The following PREPL variants were observed in gnomAD, a reference collection of about 807,000 sequenced individuals.
PREPL encodes the protein prolyl endopeptidase like, also known as prolyl endopeptidase-like.
In PREPL, 77 loss-of-function variants were observed where a neutral mutation model predicts 70.6. The observed-to-expected ratio is 1.09, with a 90% CI of 0.91 to 1.32. PREPL has a LOEUF of 1.32. Ranked by LOEUF, PREPL falls within the 40% of genes most tolerant of loss-of-function variation. The probability of loss-of-function intolerance (pLI) is 0.00; values close to 1 mark genes in which losing one functional copy is unlikely to be tolerated. For synonymous variants in PREPL, 315 were observed against 264.8 expected, an observed-to-expected ratio of 1.19 and a Z score of -1.84; for missense variants, 1,002 against 778.2, an observed-to-expected ratio of 1.29 and a Z score of -3.42.
rs1674231849 is a variant in PREPL at position 44,332,587 on chromosome 2, A to G, written c.958T>C (p.Cys320Arg). Residue 320 changes from cysteine (C) to arginine (R), a missense_variant, in exon 8 of 14, where the codon TGC (cysteine) becomes CGC (arginine). Transcript: ENST00000409411. ...TATTTTGGGGGACGTATTGGAGAGCAAAGTTGAAAGGGGCAGTTCTTTGGG... is the reference window on the plus strand; with the variant it reads ...TATTTTGGGGGACGTATTGGAGAGCGAAGTTGAAAGGGGCAGTTCTTTGGG... ...SDPKNCPFQL[C>R]SPIRPPKYYT... The G allele has an allele frequency of 6.2e-7, 1 of 1,613,996 alleles. No individual in the cohort carries two copies. The highest frequency in any genetic ancestry group is 2.2e-5 in the East Asian group (1 of 44,880).
At chr2:44,326,622 G>T in intron 10 of PREPL, 90 bp downstream of exon 10, 1 of 1,339,970 alleles carries the variant, frequency 7.5e-7, no homozygotes, top group Non-Finnish European at 1.1e-6. Flanking sequence ...GGCATGAGCC[G>T]CTGTGCCAGC....
In PREPL at chr2:44,320,735, T is replaced by A. The variant is rs752209571; in HGVS notation, c.*621A>T. On this transcript the variant is annotated 3_prime_UTR_variant, in exon 14 of 14. Coordinates refer to ENST00000409411, the MANE Select transcript of PREPL (RefSeq NM_001171613.2). ...CAGCATGCTGCTTGGTGAACAATCA[T>A]TAATTCTTCGATATTTCTGTAGCTT... is the stretch of plus-strand genomic sequence containing the variant. The A allele has an allele frequency of 6.3e-6, 6 of 957,874 alleles. No homozygotes were observed. In the African/African-American group the frequency reaches 8.1e-5, roughly 13 times the overall value. 59.3% of individuals were successfully genotyped at this position (957,874 alleles called of 1,614,324 possible). A position where few individuals can be genotyped will look rare whatever the true frequency, so the allele number is the denominator to read the frequency against.
At chr2:44,334,149 A>G (rs1266643822) in intron 7 of PREPL, among the ~76,000 whole-genome samples, 2 of 152,212 alleles carry the variant, frequency 1.3e-5, no homozygotes, top group Admixed American at 1.3e-4. Flanking sequence ...TAACTCAAGG[A>G]TATCTTAAGC....
chr2:44,326,419 T>C (rs1673496549), intron 10 of PREPL, among the ~76,000 whole-genome samples: 1 of 150,538 alleles, frequency 6.6e-6, no homozygotes, highest in African/African-American at 2.4e-5. Context: ...TCTCACTCTG[T>C]TGCCCAGGCT....
chr2:44,339,497 G>A, intron 5 of PREPL, 134 bp from the exon 6 acceptor site: 1 of 1,303,546 alleles, frequency 7.7e-7, no homozygotes, highest in Non-Finnish European at 1.0e-6. Context: ...TAATTCCTTA[G>A]TGAATATCAC....
intron 8 of PREPL, 94 bp downstream of exon 8, chr2:44,332,365 A>G: frequency 9.1e-7 from 1 of 1,098,178 alleles, no homozygotes; most frequent in Non-Finnish European, 1.3e-6. Context: ...TACATTAGGA[A>G]ACCGTGCTAA....
intron 1 of PREPL, among the ~76,000 whole-genome samples, chr2:44,358,518 G>T (rs1677293557): frequency 6.6e-6 from 1 of 152,180 alleles, no homozygotes; most frequent in Non-Finnish European, 1.5e-5. Context: ...GGATGTCAAA[G>T]CAGCAGCAGC....
At chr2:44,351,254 C>T (rs1335791669) in intron 1 of PREPL, among the ~76,000 whole-genome samples, 2 of 152,024 alleles carry the variant, frequency 1.3e-5, no homozygotes, top group Non-Finnish European at 2.9e-5. Context: ...CTTTTTAACA[C>T]TGGCAGAGCT....
At chr2:44,332,003 G>C (rs926104916) in intron 8 of PREPL, among the ~76,000 whole-genome samples, 1 of 146,836 alleles carries the variant, frequency 6.8e-6, no homozygotes, top group African/African-American at 2.6e-5. Context: ...CTGGAGTGCA[G>C]TGGCACGATC....
chr2:44,342,616 G>T, intron 4 of PREPL, 64 bp from the exon 5 acceptor site: 2 of 734,326 alleles, frequency 2.7e-6, no homozygotes, highest in East Asian at 2.8e-5. Context: ...AAAAAAAAAA[G>T]CACAGCACAT....
Position 44,318,692 on chromosome 2 carries a change from G to C in PREPL, c.*2664C>G, listed in dbSNP as rs892878717. The C allele has an allele frequency of 6.6e-6, 1 of 151,858 alleles. No individual in the cohort carries two copies. Among genetic ancestry groups the C allele is most frequent in the African/African-American group, 2.4e-5 (1 of 41,330 alleles). The allele number at this position is 151,858 out of a possible 1,614,324, so 9.4% of individuals were successfully genotyped here. A position where few individuals can be genotyped will look rare whatever the true frequency, so the allele number is the denominator to read the frequency against. ...TCTCTGAGGGGAACTGTGAAGCTAT[G>C]GAAAGGTGTTGAAGAAAACCTTTTT... On this transcript the variant is annotated 3_prime_UTR_variant, in exon 14 of 14. Transcript: ENST00000409411.
At position 44,326,759 on chromosome 2, in the gene PREPL, C is replaced by G; in HGVS notation, c.1432G>C (p.Ala478Pro). 1 of 1,614,142 alleles carries G rather than the reference C, an allele frequency of 6.2e-7. No individual in the cohort carries two copies. Among genetic ancestry groups the G allele is most frequent in the Non-Finnish European group, 8.5e-7 (1 of 1,180,018 alleles). Reference protein sequence around the residue: ...AFSAGGVLAGALCNSNPELVR... With the variant: ...AFSAGGVLAGPLCNSNPELVR... ...AGCTCTGGATTAGAATTACACAATG[C>G]TCCTGCAAGCACCCCTCCAGCACTG... The change falls in exon 10 of 14, where the codon GCA becomes CCA. Residue 478 changes from alanine (A) to proline (P), a missense_variant. By Grantham distance (27) the Ala-to-Pro change is conservative. Coordinates refer to ENST00000409411, the MANE Select transcript of PREPL (RefSeq NM_001171613.2).
intron 10 of PREPL, among the ~76,000 whole-genome samples, chr2:44,325,676 G>A (rs932616413): frequency 6.6e-6 from 1 of 151,784 alleles, no homozygotes; most frequent in African/African-American, 2.4e-5. Context: ...TTGTGCATAG[G>A]CTATTCTCCA....
At chr2:44,339,049 A>G (rs184125991) in intron 6 of PREPL, 98 bp downstream of exon 6, 92 of 1,517,958 alleles carry the variant, frequency 6.1e-5, no homozygotes, top group African/African-American at 4.0e-4. Flanking sequence ...GGTGGCATCA[A>G]TTTATAAAAC....
chr2:44,331,200 C>A (rs1440544097), intron 8 of PREPL, among the ~76,000 whole-genome samples: 1 of 152,144 alleles, frequency 6.6e-6, no homozygotes, highest in Non-Finnish European at 1.5e-5. Context: ...AGCTTGGCCT[C>A]CCAAAGTGTT....
intron 9 of PREPL, among the ~76,000 whole-genome samples, chr2:44,328,276 A>AAAG: frequency 6.7e-6 from 1 of 149,802 alleles, no homozygotes; most frequent in East Asian, 1.9e-4. Context: ...CTCAAAAAAA[A>AAAG]AAAAAAAAAA....
At chr2:44,346,445 T>C (rs1675835248) in intron 1 of PREPL, 55 bp from the exon 2 acceptor site, 2 of 1,571,726 alleles carry the variant, frequency 1.3e-6, no homozygotes, top group African/African-American at 1.4e-5. Context: ...AAAAAACTTT[T>C]GCTTTTTAAA....
At chr2:44,356,821 T>C (rs893190770) in intron 1 of PREPL, among the ~76,000 whole-genome samples, 7 of 152,062 alleles carry the variant, frequency 4.6e-5, no homozygotes, top group Non-Finnish European at 8.8e-5. Flanking sequence ...TTTTTTTTTT[T>C]TTGAGACAGG....
intron 11 of PREPL, 117 bp downstream of exon 11, chr2:44,323,145 G>C (rs1673148424): frequency 8.0e-6 from 8 of 1,003,900 alleles, no homozygotes; most frequent in South Asian, 7.0e-5. Context: ...AAGATATTTG[G>C]GCATCATAAG....
Sources: allele counts gnomAD v4.1 joint callset (sites outside exome capture counted in the v4.1 genomes callset), GRCh38; gene constraint gnomAD v4.1.1; transcripts MANE v1.5; gene names NCBI Gene and HGNC (gene_info 2026-07-23, HGNC 2026-07-21).